The following BRMS1L variants were observed in gnomAD, a reference collection of about 807,000 sequenced individuals.
The protein encoded by BRMS1L is BRMS1 like transcriptional repressor, also known as breast cancer metastasis-suppressor 1-like protein.
BRMS1L carries 23 observed loss-of-function variants against 50.3 expected under a neutral mutation model. The observed-to-expected ratio is 0.46, with a 90% confidence interval of 0.33 to 0.65. The LOEUF is 0.65. Ranked by LOEUF, BRMS1L falls within the 30% of genes least tolerant of loss-of-function variation. BRMS1L has a pLI of 0.02. For synonymous variants in BRMS1L, 114 were observed against 126.9 expected, an observed-to-expected ratio of 0.90 and a Z score of 0.69; for missense variants, 286 against 386.1, an observed-to-expected ratio of 0.74 and a Z score of 2.17.
At chr14:35,834,415 TA>T (rs926988712) in intron 3 of BRMS1L, among the ~76,000 whole-genome samples, 7 of 151,310 alleles carry the variant, frequency 4.6e-5, no homozygotes, top group Non-Finnish European at 7.4e-5. Flanking sequence ...AAATGATAGT[TA>T]AAAAAAAAGT....
chr14:35,862,800 A>C, intron 5 of BRMS1L, 114 bp downstream of exon 5: 1 of 487,670 alleles, frequency 2.1e-6, no homozygotes, highest in African/African-American at 2.0e-5. Flanking sequence ...GAAATGTCCC[A>C]GCAAAGGAGA....
At chr14:35,847,359 G>A (rs143890938) in intron 4 of BRMS1L, among the ~76,000 whole-genome samples, 2 of 152,204 alleles carry the variant, frequency 1.3e-5, no homozygotes, top group African/African-American at 4.8e-5. Context: ...CTTGAGTGCA[G>A]TGGCATGACC....
intron 6 of BRMS1L, among the ~76,000 whole-genome samples, chr14:35,864,365 G>A (rs1358886571): frequency 6.6e-6 from 1 of 152,002 alleles, no homozygotes; most frequent in Admixed American, 6.5e-5. Flanking sequence ...GGGCTCAGGT[G>A]ATCCTCCCAC....
chr14:35,856,961 C>G (rs1463650338), intron 4 of BRMS1L, among the ~76,000 whole-genome samples: 1 of 152,014 alleles, frequency 6.6e-6, no homozygotes, highest in Non-Finnish European at 1.5e-5. Context: ...TTTGTTGTGG[C>G]CGGGCACGGT....
intron 4 of BRMS1L, among the ~76,000 whole-genome samples, chr14:35,841,490 G>A (rs2142044284): frequency 6.6e-6 from 1 of 152,072 alleles, no homozygotes; most frequent in Non-Finnish European, 1.5e-5. Context: ...GTAGAGATGG[G>A]GTTTCACTGT....
At chr14:35,854,342 T>C (rs1368862982) in intron 4 of BRMS1L, among the ~76,000 whole-genome samples, 1 of 152,180 alleles carries the variant, frequency 6.6e-6, no homozygotes, top group African/African-American at 2.4e-5. Context: ...AGGATGACAG[T>C]TATTTTCTCT....
At chr14:35,836,523 G>A (rs1394099021) in intron 4 of BRMS1L, among the ~76,000 whole-genome samples, 1 of 151,990 alleles carries the variant, frequency 6.6e-6, no homozygotes, top group Non-Finnish European at 1.5e-5. Flanking sequence ...AAAATTTTTT[G>A]TAGAGAAGCG....
chr14:35,851,384 A>C (rs200013364), intron 4 of BRMS1L, among the ~76,000 whole-genome samples: 1 of 95,958 alleles, frequency 1.0e-5, no homozygotes, highest in African/African-American at 3.9e-5. Context: ...AAAGCATGCC[A>C]AAAAAAAAAA....
intron 4 of BRMS1L, among the ~76,000 whole-genome samples, chr14:35,852,207 C>G (rs2078219855): frequency 6.6e-6 from 1 of 152,140 alleles, no homozygotes; most frequent in African/African-American, 2.4e-5. Context: ...GAAAAACCCA[C>G]TGGTATTATT....
chr14:35,827,177 C>T (rs2077858073), intron 1 of BRMS1L, among the ~76,000 whole-genome samples: 1 of 152,158 alleles, frequency 6.6e-6, no homozygotes, highest in Non-Finnish European at 1.5e-5. Context: ...CTGAAGTTTG[C>T]AAGACTGAGA....
intron 4 of BRMS1L, among the ~76,000 whole-genome samples, chr14:35,836,081 C>T (rs551641615): frequency 1.3e-5 from 2 of 152,128 alleles, no homozygotes; most frequent in South Asian, 2.1e-4. Context: ...ATCTTTTTGG[C>T]GTTTACTAGC....
intron 8 of BRMS1L, among the ~76,000 whole-genome samples, chr14:35,867,097 A>G (rs1049202733): frequency 6.6e-6 from 1 of 152,176 alleles, no homozygotes; most frequent in Non-Finnish European, 1.5e-5. Context: ...TGTTGAATGA[A>G]TGAATGAATG....
At chr14:35,829,894 A>G (rs781467265) in intron 1 of BRMS1L, 23 of 1,160,522 alleles carry the variant, frequency 2.0e-5, no homozygotes, top group Non-Finnish European at 2.3e-5. Flanking sequence ...AATGTGGACT[A>G]TAGGACAGAC....
At chr14:35,829,002 G>A (rs1227703795) in intron 1 of BRMS1L, among the ~76,000 whole-genome samples, 3 of 151,314 alleles carry the variant, frequency 2.0e-5, no homozygotes, top group African/African-American at 4.9e-5. Flanking sequence ...CTGGAGTGCA[G>A]TGGCACGATC....
intron 4 of BRMS1L, among the ~76,000 whole-genome samples, chr14:35,849,389 G>A (rs964856272): frequency 6.6e-6 from 1 of 152,176 alleles, no homozygotes; most frequent in African/African-American, 2.4e-5. Flanking sequence ...CCAGGCTCAA[G>A]CAGCTCTCTC....
At chr14:35,837,441 C>T (rs1202765765) in intron 4 of BRMS1L, among the ~76,000 whole-genome samples, 2 of 152,038 alleles carry the variant, frequency 1.3e-5, no homozygotes, top group African/African-American at 4.8e-5. Context: ...CCATATGTTT[C>T]ATTTGTTCTG....
chr14:35,842,190 T>C (rs2078075603), intron 4 of BRMS1L, among the ~76,000 whole-genome samples: 3 of 152,130 alleles, frequency 2.0e-5, no homozygotes, highest in Admixed American at 2.0e-4. Flanking sequence ...AAGGTTAATA[T>C]TGTTATGTGT....
intron 4 of BRMS1L, among the ~76,000 whole-genome samples, chr14:35,849,424 A>G (rs2142050660): frequency 6.6e-6 from 1 of 152,140 alleles, no homozygotes; most frequent in African/African-American, 2.4e-5. Context: ...AGTAGGTAGG[A>G]CTATAGGCAT....
chr14:35,837,741 G>A (rs2078012922), intron 4 of BRMS1L, among the ~76,000 whole-genome samples: 2 of 152,010 alleles, frequency 1.3e-5, no homozygotes, highest in African/African-American at 2.4e-5. Context: ...TTTTAGTAGA[G>A]ACGAGGTTTC....
Sources: gnomAD v4.1 joint callset for allele counts (sites outside exome capture counted in the v4.1 genomes callset) on GRCh38, gnomAD v4.1.1 for gene constraint, MANE v1.5 for transcripts, NCBI Gene and HGNC (gene_info 2026-07-23, HGNC 2026-07-21) for gene names.